The following UBE3A variants were observed in gnomAD, a reference collection of about 807,000 sequenced individuals.
UBE3A encodes the protein ubiquitin protein ligase E3A, also known as ubiquitin-protein ligase E3A.
A neutral mutation model predicts 83.4 loss-of-function variants in UBE3A; 6 were observed. The ratio of observed to expected loss-of-function variants is 0.07; its 90% CI spans 0.04 to 0.14. UBE3A has a LOEUF of 0.14. UBE3A is among the 10% of genes least tolerant of loss of function. The pLI is 1.00. For synonymous variants in UBE3A, 337 were observed against 355.4 expected (o/e 0.95, Z 0.58); for missense variants, 456 against 1,036.1 (o/e 0.44, Z 7.69).
chr15:25,344,303 TGTGG>T (rs1419086985), intron 11 of UBE3A, among the ~76,000 whole-genome samples: 1 of 152,104 alleles, frequency 6.6e-6, no homozygotes, highest in Non-Finnish European at 1.5e-5. Flanking sequence ...TCTGCAATAA[TGTGG>T]GATGATTCTC....
At chr15:25,367,407 G>T (rs1276550067) in intron 6 of UBE3A, among the ~76,000 whole-genome samples, 1 of 151,620 alleles carries the variant, frequency 6.6e-6, no homozygotes, top group Non-Finnish European at 1.5e-5. Context: ...AATGAAAGGT[G>T]AAGTCTAAGC....
intron 4 of UBE3A, among the ~76,000 whole-genome samples, chr15:25,376,952 T>C (rs2081330062): frequency 1.3e-5 from 2 of 152,098 alleles, no homozygotes; most frequent in Admixed American, 6.5e-5. Context: ...ACTGATAAAA[T>C]TACCATAATT....
rs762172890 is a variant in UBE3A, at chr15:25,371,406, T to C, written c.768A>G (p.Ala256=). The C allele has an allele frequency of 6.2e-7, 1 of 1,614,050 alleles. No homozygotes were observed. Among genetic ancestry groups the C allele is most frequent in the Admixed American group, 1.7e-5 (1 of 60,002 alleles). The change falls in exon 6 of 13, where the codon GCA becomes GCG. Residue 256 remains alanine (A), a synonymous_variant. Transcript: ENST00000648336. This position sits in a 1 kb window ranked among gnomAD's most constrained non-coding sequence, Gnocchi z 5.3. ...NEKIETAFLN[A]LVYLSPNVEC... is the part of the protein sequence containing the mutation. ...CCACGTTAGGTGACAAATATACAAG[T>C]GCATTGAGAAAGGCAGTTTCAATTT... is the stretch of plus-strand genomic sequence containing the variant.
In UBE3A at chr15:25,398,130, TAC is replaced by T. The variant is rs1295631490; in HGVS notation, c.62+7329_62+7330del. 3.3e-5 allele frequency among the ~76,000 whole-genome samples: 4 copies of T among 119,906 alleles called. No homozygotes were observed. In the Admixed American group the frequency reaches 4.6e-4, roughly 14 times the overall value. 78.7% of individuals were successfully genotyped at this position (119,906 alleles called of 152,430 possible). On this transcript the variant is annotated intron_variant, in intron 4 of 12. Coordinates refer to ENST00000648336, the MANE Select transcript of UBE3A (RefSeq NM_130839.5). ...GATGCAGTGGCCAAGATCATGCTAC[TAC>T]ACTCCAGCCTGGGTGACAAAGCAAG...
At chr15:25,369,229 G>A (rs2079860953) in intron 6 of UBE3A, among the ~76,000 whole-genome samples, 1 of 151,800 alleles carries the variant, frequency 6.6e-6, no homozygotes, top group Non-Finnish European at 1.5e-5. Flanking sequence ...AAGGGTACCA[G>A]AAAGCAAGCA....
chr15:25,408,845 G>GT, intron 3 of UBE3A: 3 of 773,016 alleles, frequency 3.9e-6, no homozygotes, highest in Non-Finnish European at 5.9e-6. Flanking sequence ...AAACCTTGAA[G>GT]TTTTTTTGAG....
intron 4 of UBE3A, among the ~76,000 whole-genome samples, chr15:25,394,150 T>C (rs1283221259): frequency 2.0e-5 from 3 of 152,180 alleles, no homozygotes; most frequent in Admixed American, 1.3e-4. Flanking sequence ...CCTATTCTAT[T>C]ATATATAATA....
chr15:25,379,237 T>C (rs1348210707), intron 4 of UBE3A, among the ~76,000 whole-genome samples: 2 of 152,204 alleles, frequency 1.3e-5, no homozygotes, highest in African/African-American at 2.4e-5. Context: ...ACTATGAAAG[T>C]GTTAGCTACT....
At chr15:25,355,482 C>G (rs1043713199) in intron 9 of UBE3A, among the ~76,000 whole-genome samples, 1 of 152,096 alleles carries the variant, frequency 6.6e-6, no homozygotes, top group Non-Finnish European at 1.5e-5. Flanking sequence ...CCAAATCTGA[C>G]GTAAAGTATA....
intron 4 of UBE3A, among the ~76,000 whole-genome samples, chr15:25,382,348 G>GT (rs915169229): frequency 1.8e-4 from 27 of 150,644 alleles, no homozygotes; most frequent in East Asian, 5.9e-4. Flanking sequence ...GAAAAGAACT[G>GT]TTTTTTTCAT....
At chr15:25,401,299 T>C (rs1229985586) in intron 4 of UBE3A, among the ~76,000 whole-genome samples, 1 of 152,198 alleles carries the variant, frequency 6.6e-6, no homozygotes, top group Non-Finnish European at 1.5e-5. Flanking sequence ...CTTTGGTATC[T>C]AGGTAATGCT....
Position 25,354,939 on chromosome 15 carries a change from ACTT to A in UBE3A, c.2125-259_2125-257del, listed in dbSNP as rs145678595. Among the ~76,000 whole-genome samples the A allele has an allele frequency of 0.024, 3,587 of 152,174 alleles. 136 individuals are homozygous for A. The highest frequency in any genetic ancestry group is 0.08 in the African/African-American group (3,326 of 41,508). On this transcript the variant is annotated intron_variant, in intron 9 of 12. Coordinates refer to ENST00000648336, the MANE Select transcript of UBE3A (RefSeq NM_130839.5). ...CAATTTTACACCTACAAAGAAAACT[ACTT>A]CTTACAATTTCACAATTCTCTGTTA...
At chr15:25,412,009 A>G (rs561384722) in intron 1 of UBE3A, 38 bp from the exon 2 acceptor site, 6 of 152,342 alleles carry the variant, frequency 3.9e-5, no homozygotes, top group South Asian at 2.1e-4. Context: ...CTTTTTACAT[A>G]AACAACTGGA....
chr15:25,355,703 G>A (rs1341340205), intron 9 of UBE3A, among the ~76,000 whole-genome samples, 189 bp downstream of exon 9: 1 of 151,908 alleles, frequency 6.6e-6, no homozygotes, highest in Non-Finnish European at 1.5e-5. Flanking sequence ...GGGCTTTAGT[G>A]CCCAACTGTG....
chr15:25,405,746 T>C (rs2088374232), intron 3 of UBE3A: 5 of 533,548 alleles, frequency 9.4e-6, no homozygotes, highest in South Asian at 2.2e-5. Context: ...GTAAACGCTA[T>C]ACATAGATAC....
intron 5 of UBE3A, among the ~76,000 whole-genome samples, chr15:25,372,218 G>C (rs546753728): frequency 6.6e-6 from 1 of 152,062 alleles, no homozygotes; most frequent in South Asian, 2.1e-4. Context: ...CTACTAATCT[G>C]TGAGTTTTCT....
intron 11 of UBE3A, among the ~76,000 whole-genome samples, chr15:25,350,714 C>T (rs1053624368): frequency 6.6e-6 from 1 of 152,056 alleles, no homozygotes; most frequent in Non-Finnish European, 1.5e-5. Context: ...AAAAAAAACA[C>T]TTTGCGTATT....
intron 3 of UBE3A, chr15:25,407,037 G>C: frequency 1.5e-6 from 2 of 1,329,582 alleles, no homozygotes; most frequent in Non-Finnish European, 2.0e-6. Flanking sequence ...CTCTCCCCCA[G>C]GGAGCAAGCA....
chr15:25,356,555 T>G, intron 8 of UBE3A, 136 bp downstream of exon 8: 1 of 891,164 alleles, frequency 1.1e-6, no homozygotes, highest in Non-Finnish European at 1.7e-6. Flanking sequence ...TTCGGTCAGA[T>G]TAAAACATTT....
Sources: allele counts gnomAD v4.1 joint callset (sites outside exome capture counted in the v4.1 genomes callset), GRCh38; gene constraint gnomAD v4.1.1; non-coding constraint Gnocchi (gnomAD v3.1); transcripts MANE v1.5; gene names NCBI Gene and HGNC (gene_info 2026-07-23, HGNC 2026-07-21).